DIS3L2: variants seen among roughly 807,000 people sequenced by gnomAD.
The protein encoded by DIS3L2 is DIS3 like 3'-5' exoribonuclease 2.
A neutral mutation model predicts 97.5 loss-of-function variants in DIS3L2; 34 were observed. The observed-to-expected ratio is 0.35, with a 90% CI of 0.27 to 0.46. The LOEUF (loss-of-function observed/expected upper bound fraction) is 0.46, where lower values mean the gene tolerates loss of function less well. Among genes scored for constraint, DIS3L2 ranks in the 20% least tolerant of loss-of-function variants. DIS3L2 has a pLI of 1.00. For missense variants in DIS3L2, 1,038 were observed against 1,146.0 expected, an observed-to-expected ratio of 0.91 and a Z score of 1.36; for synonymous variants, 435 against 445.2, an observed-to-expected ratio of 0.98 and a Z score of 0.29.
chr2:232,331,856 T>C (rs1262807308), intron 16 of DIS3L2: 3 of 152,288 alleles, frequency 2.0e-5, no homozygotes, highest in African/African-American at 7.2e-5. Context: ...AAAGCCTGCA[T>C]TCTCCTGGCT....
Position 232,268,873 on chromosome 2 carries a change from C to G in DIS3L2, c.1659+5433C>G, listed in dbSNP as rs1225514265. Among the ~76,000 whole-genome samples, 1 of 152,194 alleles carries G rather than the reference C, an allele frequency of 6.6e-6. No homozygotes were observed. Among genetic ancestry groups the G allele is most frequent in the African/African-American group, 2.4e-5 (1 of 41,448 alleles). On this transcript the variant is annotated intron_variant, in intron 13 of 20. Coordinates refer to ENST00000325385, the MANE Select transcript of DIS3L2 (RefSeq NM_152383.5). The surrounding 1 kb of genome is among the most constrained non-coding windows in gnomAD (Gnocchi z 4.1). ...CGTGCTAAGTTAACTCTCAGGATGG[C>G]TTCATGCAATTAGGTAAATTATTCC...
Position 232,336,759 on chromosome 2 carries a change from T to TTAA in DIS3L2, c.*131_*133dup. 3 of 1,484,564 alleles carry TTAA rather than the reference T, an allele frequency of 2.0e-6. No homozygotes were observed. The highest frequency in any genetic ancestry group is 2.7e-6 in the Non-Finnish European group (3 of 1,128,302). The allele number at this position is 1,484,564 out of a possible 1,614,324, so 92.0% of individuals were successfully genotyped here. On this transcript the variant is annotated 3_prime_UTR_variant, in exon 21 of 21. Transcript: ENST00000325385. ...CTCAGGGGTTTGTTTTTATTTTTAT[T>TTAA]TAATTTTTGCAGCTCAACTTTTAAA...
At position 232,120,487 on chromosome 2, in the gene DIS3L2, A is replaced by G. The variant is rs1311519011; in HGVS notation, c.602-10132A>G. 7.2e-5 allele frequency among the ~76,000 whole-genome samples: 11 copies of G among 152,326 alleles called. No individual in the cohort carries two copies. The East Asian group carries it at 2.1e-3, about 29-fold the overall frequency. On this transcript the variant is annotated intron_variant, in intron 6 of 20. Coordinates refer to ENST00000325385, the MANE Select transcript of DIS3L2 (RefSeq NM_152383.5). ...TTGGAGAATATTAAATGTGGTATGC[A>G]TGTAAACCACCTAACACAGTGCCAA...
intron 5 of DIS3L2, among the ~76,000 whole-genome samples, chr2:232,043,531 C>T (rs1695162405): frequency 6.6e-6 from 1 of 152,204 alleles, no homozygotes; most frequent in African/African-American, 2.4e-5. Flanking sequence ...GAGTATGACA[C>T]TGGTCATGGC....
At chr2:232,020,057 A>C (rs894692116) in intron 3 of DIS3L2, among the ~76,000 whole-genome samples, 1 of 151,948 alleles carries the variant, frequency 6.6e-6, no homozygotes, top group Non-Finnish European at 1.5e-5. Context: ...AAGCAGAAGA[A>C]GGCTTGGTGT....
chr2:232,112,548 T>G (rs1270051017), intron 6 of DIS3L2, among the ~76,000 whole-genome samples: 1 of 152,162 alleles, frequency 6.6e-6, no homozygotes, highest in African/African-American at 2.4e-5. Context: ...CAGTCTGCTC[T>G]TGTCCCCAGG....
intron 1 of DIS3L2, among the ~76,000 whole-genome samples, chr2:231,987,450 G>C (rs1044636349): frequency 4.6e-5 from 7 of 152,192 alleles, no homozygotes; most frequent in Non-Finnish European, 8.8e-5. Flanking sequence ...CATGAATATA[G>C]GTTTTATATT....
chr2:232,086,659 A>ATATGTGTATATATATATATGTG (rs1553606035), intron 5 of DIS3L2, among the ~76,000 whole-genome samples: 1 of 92,494 alleles, frequency 1.1e-5, no homozygotes, highest in Non-Finnish European at 2.0e-5. Context: ...ATATATATAT[A>ATATGTGTATATATATATATGTG]TGTGTGTGTG....
chr2:232,262,193 C>A (rs1451996382), intron 12 of DIS3L2, among the ~76,000 whole-genome samples: 1 of 152,176 alleles, frequency 6.6e-6, no homozygotes, highest in East Asian at 1.9e-4. Flanking sequence ...CCCCACCTCC[C>A]CCAACCGCCC....
chr2:232,294,006 G>A (rs577501562), intron 13 of DIS3L2, among the ~76,000 whole-genome samples: 2 of 152,314 alleles, frequency 1.3e-5, no homozygotes, highest in Admixed American at 6.5e-5. Context: ...CTCCACCAAG[G>A]CACTGGCTGC....
intron 9 of DIS3L2, among the ~76,000 whole-genome samples, chr2:232,195,984 G>A (rs1445393751): frequency 6.6e-6 from 1 of 152,188 alleles, no homozygotes; most frequent in African/African-American, 2.4e-5. Flanking sequence ...TCCTCCTAAA[G>A]TTAGTTCAGC....
chr2:232,130,883 T>G, intron 7 of DIS3L2, 164 bp downstream of exon 7: 1 of 1,046,390 alleles, frequency 9.6e-7, no homozygotes, highest in Non-Finnish European at 1.3e-6. Flanking sequence ...TTTAAACATA[T>G]AAATACGAAT....
At chr2:232,305,522 T>C (rs1694965092) in intron 14 of DIS3L2, among the ~76,000 whole-genome samples, 1 of 152,244 alleles carries the variant, frequency 6.6e-6, no homozygotes, top group Non-Finnish European at 1.5e-5. Flanking sequence ...TTATTTTGGT[T>C]GTATTTATTT....
intron 3 of DIS3L2, among the ~76,000 whole-genome samples, chr2:232,023,962 T>G (rs892647043): frequency 3.3e-5 from 5 of 152,144 alleles, no homozygotes; most frequent in Non-Finnish European, 7.3e-5. Context: ...AGGTTTAAAT[T>G]TGAAGACTAG....
intron 5 of DIS3L2, among the ~76,000 whole-genome samples, chr2:232,084,799 CA>C (rs55977523): frequency 6.5e-4 from 95 of 145,534 alleles, no homozygotes; most frequent in South Asian, 5.9e-3. Flanking sequence ...CAGTTTTGCT[CA>C]AAAAAAAAAA....
chr2:231,968,984 G>A (rs561870732), intron 1 of DIS3L2, among the ~76,000 whole-genome samples: 30 of 152,240 alleles, frequency 2.0e-4, no homozygotes, highest in Middle Eastern at 3.4e-3. Context: ...TTCATAAATG[G>A]TAGTTTTTCC....
intron 13 of DIS3L2, among the ~76,000 whole-genome samples, chr2:232,296,136 C>T (rs1417466122): frequency 6.6e-6 from 1 of 152,196 alleles, no homozygotes; most frequent in Non-Finnish European, 1.5e-5. Context: ...TCTCCCAAAC[C>T]TGTTTTTCTT....
At chr2:232,335,522 C>A in intron 19 of DIS3L2, 1 of 537,194 alleles carries the variant, frequency 1.9e-6, no homozygotes, top group Non-Finnish European at 3.4e-6. Context: ...CCTGGACCCC[C>A]CACCACTTGC....
rs925198055 is a variant in DIS3L2, at chr2:232,068,147, A to G, written c.367-19340A>G. On this transcript the variant is annotated intron_variant, in intron 5 of 20. Coordinates refer to ENST00000325385, the MANE Select transcript of DIS3L2 (RefSeq NM_152383.5). The stretch of plus-strand genomic sequence containing the variant: ...GAAGAAGGCAAGGATGATTATAGAC[A>G]TAAGTAGATTTTTAGAGTTGGCTAT... 2.6e-5 allele frequency among the ~76,000 whole-genome samples: 4 copies of G among 152,238 alleles called. No individual in the cohort carries two copies. The South Asian group carries it at 6.2e-4, about 24-fold the overall frequency.
Sources: allele counts gnomAD v4.1 joint callset (sites outside exome capture counted in the v4.1 genomes callset), GRCh38; gene constraint gnomAD v4.1.1; non-coding constraint Gnocchi (gnomAD v3.1); transcripts MANE v1.5; gene names NCBI Gene and HGNC (gene_info 2026-07-23, HGNC 2026-07-21).